The following SEMA6D variants were observed in gnomAD, a reference collection of about 807,000 sequenced individuals.
The protein encoded by SEMA6D is semaphorin 6D.
A neutral mutation model predicts 106.6 loss-of-function variants in SEMA6D; 35 were observed. The observed-to-expected ratio is 0.33, with a 90% CI of 0.25 to 0.44. The LOEUF (loss-of-function observed/expected upper bound fraction) is 0.44, where lower values mean the gene tolerates loss of function less well. Among genes scored for constraint, SEMA6D ranks in the 20% least tolerant of loss-of-function variants. SEMA6D has a pLI of 1.00. For missense variants in SEMA6D, 1,185 were observed against 1,345.9 expected (o/e 0.88, Z 1.87); for synonymous variants, 499 against 487.7 (o/e 1.02, Z -0.31).
At chr15:47,493,723 T>C (rs1567118892) in intron 3 of SEMA6D, among the ~76,000 whole-genome samples, 2 of 152,166 alleles carry the variant, frequency 1.3e-5, no homozygotes, top group African/African-American at 2.4e-5. Context: ...TACAATCTCT[T>C]GTATAGAGGT....
At chr15:47,336,221 T>C (rs1567007442) in intron 1 of SEMA6D, among the ~76,000 whole-genome samples, 1 of 152,158 alleles carries the variant, frequency 6.6e-6, no homozygotes, top group Non-Finnish European at 1.5e-5. Context: ...TTTTACCTGA[T>C]TGTGTCGTGG....
chr15:47,647,103 A>G (rs949533120), intron 4 of SEMA6D, among the ~76,000 whole-genome samples: 5 of 152,192 alleles, frequency 3.3e-5, no homozygotes, highest in Admixed American at 3.3e-4. Flanking sequence ...GAGTTTTCCA[A>G]AGACAAGACA....
intron 3 of SEMA6D, among the ~76,000 whole-genome samples, chr15:47,760,662 G>C (rs909824037): frequency 8.2e-6 from 1 of 121,680 alleles, no homozygotes; most frequent in Non-Finnish European, 1.7e-5. Context: ...AAAGCAGCAG[G>C]GGAAAAAAAA....
intron 3 of SEMA6D, among the ~76,000 whole-genome samples, chr15:47,476,317 T>C (rs2042999052): frequency 6.6e-6 from 1 of 152,156 alleles, no homozygotes; most frequent in African/African-American, 2.4e-5. Flanking sequence ...CATTTAAGAA[T>C]CCTAAGTGAA....
intron 3 of SEMA6D, among the ~76,000 whole-genome samples, chr15:47,534,203 T>TA (rs2045076314): frequency 6.6e-6 from 1 of 151,892 alleles, no homozygotes; most frequent in African/African-American, 2.4e-5. Flanking sequence ...CTTTTTTTTT[T>TA]AAATGGAGAC....
At chr15:47,655,980 C>T (rs537561635) in intron 4 of SEMA6D, among the ~76,000 whole-genome samples, 10 of 152,350 alleles carry the variant, frequency 6.6e-5, no homozygotes, top group African/African-American at 2.2e-4. Flanking sequence ...AGCTCTAATA[C>T]TGTAAACACA....
intron 1 of SEMA6D, among the ~76,000 whole-genome samples, chr15:47,217,447 T>G (rs184580575): frequency 5.9e-5 from 9 of 152,102 alleles, no homozygotes; most frequent in Admixed American, 5.9e-4. Flanking sequence ...GTAGGGAAAT[T>G]AAGTTTTAAT....
chr15:47,730,230 C>T, intron 1 of SEMA6D: 1 of 1,535,954 alleles, frequency 6.5e-7, no homozygotes, highest in Non-Finnish European at 8.9e-7. Flanking sequence ...ACGTTGCCGC[C>T]CCAGTGACGG....
rs1596217420 is a variant in SEMA6D at position 47,517,644 on chromosome 15, G to C, written c.-87+47099G>C. ...TTCCCACACAGGAAATCTTTACCTG[G>C]GAGGGAACTTTTCTTCTGACCTTGG... On this transcript the variant is annotated intron_variant, in intron 3 of 19. Transcript: ENST00000558014. Among the ~76,000 whole-genome samples, 4 of 152,056 alleles carry C rather than the reference G, an allele frequency of 2.6e-5. No homozygotes were observed. In the East Asian group the frequency reaches 7.7e-4, roughly 29 times the overall value.
intron 1 of SEMA6D, among the ~76,000 whole-genome samples, chr15:47,369,053 T>A (rs1007048620): frequency 1.1e-4 from 16 of 152,174 alleles, no homozygotes; most frequent in African/African-American, 3.6e-4. Context: ...CTACCTATGG[T>A]TCCATGTATA....
chr15:47,499,377 G>A (rs1002493151), intron 3 of SEMA6D, among the ~76,000 whole-genome samples: 3 of 151,950 alleles, frequency 2.0e-5, no homozygotes, highest in African/African-American at 7.3e-5. Flanking sequence ...TGGCTTACCC[G>A]CAAAGCCAGA....
chr15:47,750,885 G>T (rs1347132726), intron 1 of SEMA6D, among the ~76,000 whole-genome samples: 1 of 152,108 alleles, frequency 6.6e-6, no homozygotes. Flanking sequence ...GTGGTGGAGG[G>T]TGGGGTAGCA....
chr15:47,504,952 G>T (rs918561822), intron 3 of SEMA6D, among the ~76,000 whole-genome samples: 4 of 152,158 alleles, frequency 2.6e-5, no homozygotes, highest in African/African-American at 9.7e-5. Context: ...GTAAAGGCTT[G>T]TCCCTATCAG....
intron 4 of SEMA6D, among the ~76,000 whole-genome samples, chr15:47,629,720 A>G (rs902066350): frequency 4.0e-5 from 6 of 151,616 alleles, no homozygotes; most frequent in African/African-American, 1.2e-4. Context: ...ACCCTTTCCA[A>G]TCTCTGGTAT....
intron 2 of SEMA6D, among the ~76,000 whole-genome samples, chr15:47,446,423 G>T (rs1338262704): frequency 6.6e-6 from 1 of 152,076 alleles, no homozygotes; most frequent in Non-Finnish European, 1.5e-5. Flanking sequence ...TTGCTAAATT[G>T]TATGCATACA....
chr15:47,227,446 C>G (rs2031783092), intron 1 of SEMA6D, among the ~76,000 whole-genome samples: 1 of 62,406 alleles, frequency 1.6e-5, no homozygotes, highest in Non-Finnish European at 3.0e-5. Flanking sequence ...TCTTTTCTTT[C>G]TTTTCTTTCT....
intron 1 of SEMA6D, among the ~76,000 whole-genome samples, chr15:47,737,597 G>T (rs1021966452): frequency 3.3e-5 from 5 of 151,928 alleles, no homozygotes; most frequent in African/African-American, 1.2e-4. Context: ...ATAAGCTGAG[G>T]ATTACTGGTT....
intron 1 of SEMA6D, among the ~76,000 whole-genome samples, chr15:47,394,935 C>T (rs1008340892): frequency 1.1e-4 from 16 of 151,722 alleles, no homozygotes; most frequent in African/African-American, 2.7e-4. Flanking sequence ...TAATTCTTCA[C>T]TTCCCTGTTG....
rs549490683 is a variant in SEMA6D, at chr15:47,271,339, C to T, written c.-239+86921C>T. On this transcript the variant is annotated intron_variant, in intron 1 of 19. Coordinates refer to the SEMA6D transcript ENST00000558014. ...ATCCACAAGTCTTATGAGAGCCGTG[C>T]GGAAGGACAGGGCTGGGTCTTACCT... Among the ~76,000 whole-genome samples the T allele has an allele frequency of 1.3e-4, 20 of 152,132 alleles. No homozygotes were observed. The South Asian group carries it at 2.7e-3, about 21-fold the overall frequency.
Sources: allele counts gnomAD v4.1 joint callset (sites outside exome capture counted in the v4.1 genomes callset), GRCh38; gene constraint gnomAD v4.1.1; transcripts MANE v1.5; gene names NCBI Gene and HGNC (gene_info 2026-07-23, HGNC 2026-07-21).